NDUFAB1: variants seen among roughly 807,000 people sequenced by gnomAD.
NDUFAB1 encodes NADH:ubiquinone oxidoreductase subunit AB1.
Under a neutral mutation model 16.1 loss-of-function variants are expected in NDUFAB1, and 5 were observed. The ratio of observed to expected loss-of-function variants is 0.31; its 90% confidence interval spans 0.16 to 0.65. The LOEUF (loss-of-function observed/expected upper bound fraction) is 0.65. NDUFAB1 is among the 30% of genes least tolerant of loss of function. NDUFAB1 has a pLI of 0.77. For synonymous variants in NDUFAB1, 85 were observed against 78.4 expected (o/e 1.08, Z -0.44); for missense variants, 187 against 205.3 (o/e 0.91, Z 0.54).
chr16:23,589,024 G>C (rs1966256414), intron 1 of NDUFAB1, among the ~76,000 whole-genome samples: 1 of 152,098 alleles, frequency 6.6e-6, no homozygotes, highest in Non-Finnish European at 1.5e-5. Flanking sequence ...TTTAGGCTGG[G>C]CGCAGTGGCT....
chr16:23,596,060 C>T, intron 1 of NDUFAB1, 63 bp downstream of exon 1: 1 of 1,540,754 alleles, frequency 6.5e-7, no homozygotes. Flanking sequence ...ATGCCCGGCC[C>T]CCACCCCCAC....
chr16:23,585,725 T>C (rs1367659351), intron 2 of NDUFAB1, among the ~76,000 whole-genome samples: 1 of 152,184 alleles, frequency 6.6e-6, no homozygotes, highest in Non-Finnish European at 1.5e-5. Flanking sequence ...AGTGACCTCA[T>C]TGTTCAGTTC....
intron 2 of NDUFAB1, among the ~76,000 whole-genome samples, chr16:23,586,355 A>G (rs927697438): frequency 4.0e-5 from 6 of 150,704 alleles, no homozygotes; most frequent in Admixed American, 2.6e-4. Context: ...TCGTTGTTAG[A>G]TGGAGTTTCA....
intron 1 of NDUFAB1, among the ~76,000 whole-genome samples, chr16:23,593,672 C>T (rs1218803819): frequency 6.6e-6 from 1 of 152,196 alleles, no homozygotes; most frequent in Non-Finnish European, 1.5e-5. Context: ...TGGAAACTCT[C>T]TGGCCCCTTC....
rs1388726055 is a variant in NDUFAB1, at chr16:23,587,217, CAT to C, written c.269_270del (p.Tyr90Ter). Reference sequence around the variant, plus strand: ...GTTACCTTCTCTGGGTCAATCTTGTCATAGAGTTTCAATACGTAAAGAACACG... The same window carrying C: ...GTTACCTTCTCTGGGTCAATCTTGTCAGAGTTTCAATACGTAAAGAACACG... ...QDRVLYVLKL[Y>X]DKIDPEKLSV... is the part of the protein sequence containing the mutation. On this transcript the variant is annotated frameshift_variant, in exon 2 of 5. Coordinates refer to ENST00000007516, the MANE Select transcript of NDUFAB1 (RefSeq NM_005003.3). LOFTEE classifies it high-confidence loss of function. 1 of 1,613,700 alleles carries C rather than the reference CAT, an allele frequency of 6.2e-7. No homozygotes were observed. The highest frequency in any genetic ancestry group is 1.3e-5 in the African/African-American group (1 of 74,868).
chr16:23,593,805 T>G (rs1966298522), intron 1 of NDUFAB1, among the ~76,000 whole-genome samples: 1 of 152,200 alleles, frequency 6.6e-6, no homozygotes, highest in Admixed American at 6.5e-5. Context: ...AAATCAATCT[T>G]AGGAACCAGA....
At position 23,581,075 on chromosome 16, in the gene NDUFAB1, G is replaced by A. The variant is rs1966175375; in HGVS notation, c.*107C>T. On this transcript the variant is annotated 3_prime_UTR_variant, in exon 5 of 5. Coordinates refer to ENST00000007516, the MANE Select transcript of NDUFAB1 (RefSeq NM_005003.3). ...ATACAATTTAAATACAAGTCCATCAGAATCACTCTGTCAGAGTCAGCAAGA... is the reference window on the plus strand; with the variant it reads ...ATACAATTTAAATACAAGTCCATCAAAATCACTCTGTCAGAGTCAGCAAGA... 1 of 152,636 alleles carries A rather than the reference G, an allele frequency of 6.6e-6. No homozygotes were observed. The highest frequency in any genetic ancestry group is 1.5e-5 in the Non-Finnish European group (1 of 68,040). The allele number at this position is 152,636 out of a possible 1,614,324, so 9.5% of individuals were successfully genotyped here.
At position 23,590,638 on chromosome 16, in the gene NDUFAB1, C is replaced by CT. The variant is rs398042088; in HGVS notation, c.169-3320dup. ...CCTCTCATGCTCCTGCCTCTGGTCTCTTTTTTTTTTTTTTTTCAGACAGAG... is the reference window on the plus strand; with the variant it reads ...CCTCTCATGCTCCTGCCTCTGGTCTCTTTTTTTTTTTTTTTTTCAGACAGAG... On this transcript the variant is annotated intron_variant, in intron 1 of 4. Transcript: ENST00000007516. Among the ~76,000 whole-genome samples the CT allele has an allele frequency of 4.7e-3, 619 of 131,802 alleles. 1 individual carries two copies. The highest frequency in any genetic ancestry group is 6.0e-3 in the Non-Finnish European group (375 of 62,612). The allele number at this position is 131,802 out of a possible 152,430, so 86.5% of individuals were successfully genotyped here.
chr16:23,585,141 T>C (rs1966222198), intron 3 of NDUFAB1, among the ~76,000 whole-genome samples, 195 bp downstream of exon 3: 1 of 152,252 alleles, frequency 6.6e-6, no homozygotes, highest in Admixed American at 6.5e-5. Context: ...CAAGGTGCTC[T>C]CTGAATAAAT....
intron 1 of NDUFAB1, among the ~76,000 whole-genome samples, chr16:23,594,170 C>T (rs1335855050): frequency 1.3e-5 from 2 of 151,858 alleles, no homozygotes; most frequent in East Asian, 2.0e-4. Context: ...CGTGAGCCAT[C>T]GCGCCTGGCC....
At chr16:23,590,173 TACCTACAAGG>T (rs1237452440) in intron 1 of NDUFAB1, among the ~76,000 whole-genome samples, 3 of 152,082 alleles carry the variant, frequency 2.0e-5, no homozygotes, top group Non-Finnish European at 4.4e-5. Context: ...CTCCAGCAAG[TACCTACAAGG>T]GCCAGGTGGG....
intron 3 of NDUFAB1, among the ~76,000 whole-genome samples, chr16:23,584,271 A>AAAAAAAAAAAAAAAAAAAAAAAAAT (rs1567407414): frequency 7.2e-6 from 1 of 138,220 alleles, no homozygotes; most frequent in Non-Finnish European, 1.6e-5. Flanking sequence ...AAAAAAAAAA[A>AAAAAAAAAAAAAAAAAAAAAAAAAT]AAAGAAACCC....
chr16:23,595,307 G>A (rs1327558868), intron 1 of NDUFAB1: 1 of 289,380 alleles, frequency 3.5e-6, no homozygotes, highest in East Asian at 1.1e-4. Flanking sequence ...CTGCCTCCCG[G>A]CGTTTCAGCC....
At chr16:23,582,442 C>G (rs1264886049) in intron 3 of NDUFAB1, 67 bp from the exon 4 acceptor site, 1 of 1,441,938 alleles carries the variant, frequency 6.9e-7, no homozygotes, top group Non-Finnish European at 9.1e-7. Context: ...CTGAACACAC[C>G]TGACCCTTCT....
At chr16:23,582,772 C>T (rs554262675) in intron 3 of NDUFAB1, among the ~76,000 whole-genome samples, 12 of 150,338 alleles carry the variant, frequency 8.0e-5, no homozygotes, top group African/African-American at 2.2e-4. Context: ...CTCCCTCTCC[C>T]TCTCCCCAAG....
intron 3 of NDUFAB1, among the ~76,000 whole-genome samples, chr16:23,584,879 A>G (rs545120229): frequency 6.6e-6 from 1 of 152,302 alleles, no homozygotes; most frequent in African/African-American, 2.4e-5. Flanking sequence ...ACAGTCCCAA[A>G]CTTGGAGTGT....
chr16:23,585,746 G>A (rs1966227223), intron 2 of NDUFAB1, among the ~76,000 whole-genome samples: 1 of 152,086 alleles, frequency 6.6e-6, no homozygotes, highest in Admixed American at 6.5e-5. Context: ...CCACCTATGA[G>A]CGAGAACACA....
chr16:23,595,478 C>T, intron 1 of NDUFAB1: 1 of 430,202 alleles, frequency 2.3e-6, no homozygotes, highest in Non-Finnish European at 4.7e-6. Flanking sequence ...GCCTGCCCTC[C>T]TTATACGCGG....
rs373080833 is a variant in NDUFAB1, at chr16:23,596,156, G to C, written c.135C>G (p.Leu45=). 3.1e-6 allele frequency: 5 copies of C among 1,610,216 alleles called. No individual in the cohort carries two copies. The African/African-American group carries it at 5.4e-5, about 17-fold the overall frequency. ...GCACTAAGGCCGGCTGCAAAGTCCC[G>C]AGCCTCGTCTGGGTCCCCGCGGAGC... The part of the protein sequence containing the change: ...ALCSAGTQTR[L]GTLQPALVLA... The change falls in exon 1 of 5, where the codon CTC becomes CTG. Residue 45 remains leucine, a synonymous_variant. Coordinates refer to ENST00000007516, the MANE Select transcript of NDUFAB1 (RefSeq NM_005003.3).
Sources: allele counts gnomAD v4.1 joint callset (sites outside exome capture counted in the v4.1 genomes callset), GRCh38; gene constraint gnomAD v4.1.1; transcripts MANE v1.5; gene names NCBI Gene and HGNC (gene_info 2026-07-23, HGNC 2026-07-21).